The following CAPN13 variants were observed in gnomAD, a reference collection of about 807,000 sequenced individuals.
CAPN13 encodes the protein calpain 13.
In CAPN13, 90 loss-of-function variants were observed where a neutral mutation model predicts 98.4. The observed-to-expected ratio is 0.92, with a 90% CI of 0.77 to 1.09. The LOEUF (loss-of-function observed/expected upper bound fraction) is 1.09, where lower values mean the gene tolerates loss of function less well. Among genes scored for constraint, CAPN13 ranks in the 50% least tolerant of loss-of-function variants. The pLI is 0.00. For synonymous variants in CAPN13, 330 were observed against 305.5 expected, an observed-to-expected ratio of 1.08 and a Z score of -0.84; for missense variants, 887 against 841.3, an observed-to-expected ratio of 1.05 and a Z score of -0.67.
intron 20 of CAPN13, 120 bp from the exon 21 acceptor site, chr2:30,731,519 G>A (rs1671094628): frequency 5.2e-6 from 4 of 775,108 alleles, no homozygotes; most frequent in Non-Finnish European, 8.0e-6. Flanking sequence ...AGCCCCTCCT[G>A]CTCCGCGGGG....
Position 30,736,584 on chromosome 2 carries a change from T to C in CAPN13, c.1654-13A>G. 6.2e-7 allele frequency: 1 copy of C among 1,613,656 alleles called. No homozygotes were observed. Among genetic ancestry groups the C allele is most frequent in the Non-Finnish European group, 8.5e-7 (1 of 1,179,790 alleles). On this transcript the variant is annotated splice_polypyrimidine_tract_variant and intron_variant, in intron 17 of 22. Coordinates refer to ENST00000295055, the MANE Select transcript of CAPN13 (RefSeq NM_144575.3). ...CATTCACTTTCAGCTGGGTAAGGAGTTAAGAGTGAACCAGCCAGCGTGCAA... is the reference window on the plus strand; with the variant it reads ...CATTCACTTTCAGCTGGGTAAGGAGCTAAGAGTGAACCAGCCAGCGTGCAA...
intron 22 of CAPN13, among the ~76,000 whole-genome samples, chr2:30,726,504 T>C (rs1670863589): frequency 6.6e-6 from 1 of 152,144 alleles, no homozygotes; most frequent in African/African-American, 2.4e-5. Flanking sequence ...TTTAAAAATA[T>C]TGGAACTAAT....
chr2:30,739,379 C>G (rs1327664748), intron 15 of CAPN13, among the ~76,000 whole-genome samples: 2 of 152,028 alleles, frequency 1.3e-5, no homozygotes, highest in Non-Finnish European at 2.9e-5. Flanking sequence ...GAGCACCTTC[C>G]ATCTCCCAGG....
rs145281928 is a variant in CAPN13, at chr2:30,764,175, G to C, written c.656C>G (p.Ala219Gly). 7,129 of 1,598,422 alleles carry C rather than the reference G, an allele frequency of 4.5e-3. 23 individuals are homozygous for C. Among genetic ancestry groups the C allele is most frequent in the Middle Eastern group, 8.8e-3 (53 of 6,042 alleles). Residue 219 changes from alanine (A) to glycine (G), a missense_variant, in exon 6 of 23, where the codon GCG (alanine) becomes GGG (glycine). Coordinates refer to ENST00000295055, the MANE Select transcript of CAPN13 (RefSeq NM_144575.3). ...GGTTATCAGGGAGCCTGCCTTGGTCGCTGTCTTCACTGCCTTCACCAGGTC... is the reference window on the plus strand; with the variant it reads ...GGTTATCAGGGAGCCTGCCTTGGTCCCTGTCTTCACTGCCTTCACCAGGTC... ...PVDLVKAVKT[A>G]TKAGSLITCA...
intron 22 of CAPN13, among the ~76,000 whole-genome samples, chr2:30,726,308 G>A (rs938674589): frequency 1.3e-5 from 2 of 152,154 alleles, no homozygotes; most frequent in Admixed American, 1.3e-4. Flanking sequence ...AGGATTGGGT[G>A]TTTTCCCCCA....
intron 5 of CAPN13, among the ~76,000 whole-genome samples, chr2:30,769,544 C>T (rs543301751): frequency 3.0e-4 from 46 of 152,302 alleles, no homozygotes; most frequent in Non-Finnish European, 1.6e-4. Context: ...ATCCACAGTC[C>T]TGCACACAAC....
chr2:30,732,739 A>T (rs1201079622), intron 19 of CAPN13, among the ~76,000 whole-genome samples, 173 bp from the exon 20 acceptor site: 1 of 152,112 alleles, frequency 6.6e-6, no homozygotes, highest in Non-Finnish European at 1.5e-5. Flanking sequence ...GGCCCCAGGA[A>T]CCTAGTTCTG....
intron 14 of CAPN13, 145 bp downstream of exon 14, chr2:30,742,181 G>T (rs566094484): frequency 9.3e-7 from 1 of 1,079,140 alleles, no homozygotes; most frequent in East Asian, 2.6e-5. Flanking sequence ...CCCCTACCCC[G>T]CCCCTTTGAG....
rs1331711898 is a variant in CAPN13 at position 30,764,322 on chromosome 2, G to A, written c.525-16C>T. The A allele has an allele frequency of 3.7e-6, 6 of 1,611,998 alleles. No individual in the cohort carries two copies. Among genetic ancestry groups the A allele is most frequent in the Non-Finnish European group, 5.1e-6 (6 of 1,179,090 alleles). ...TCCGAGCAGCCTGGGAGGGAATGGG[G>A]GATGAACCATCGTGGTGCCTTTGGT... On this transcript the variant is annotated splice_polypyrimidine_tract_variant and intron_variant, in intron 5 of 22. Coordinates refer to ENST00000295055, the MANE Select transcript of CAPN13 (RefSeq NM_144575.3).
chr2:30,749,607 C>T (rs1027249748), intron 11 of CAPN13, among the ~76,000 whole-genome samples: 4 of 152,208 alleles, frequency 2.6e-5, no homozygotes, highest in Admixed American at 2.0e-4. Flanking sequence ...TCTGATATCC[C>T]TGGTGCTCAG....
chr2:30,747,131 T>C (rs1032258326), intron 11 of CAPN13, among the ~76,000 whole-genome samples: 4 of 152,234 alleles, frequency 2.6e-5, no homozygotes, highest in Non-Finnish European at 5.9e-5. Context: ...TGTTCCAGTC[T>C]TTTCACGTAG....
At chr2:30,783,579 A>C (rs1674102876) in intron 2 of CAPN13, among the ~76,000 whole-genome samples, 2 of 152,156 alleles carry the variant, frequency 1.3e-5, no homozygotes, top group Admixed American at 1.3e-4. Flanking sequence ...ATATGACACA[A>C]AACTTTTCTG....
intron 1 of CAPN13, among the ~76,000 whole-genome samples, chr2:30,800,142 AAG>A (rs1273746986): frequency 6.7e-6 from 1 of 148,282 alleles, no homozygotes; most frequent in African/African-American, 2.5e-5. Flanking sequence ...GAAAGAAAGA[AAG>A]AAAGAAAGAA....
Position 30,754,361 on chromosome 2 carries a change from A to C in CAPN13, c.870T>G (p.Ser290=). ...GATCACAGGTTTCCTCCCACTCCTG[A>C]GACCTGAGCATGGACACACAAACCA... The part of the protein sequence containing the change: ...AEWRGRWSDG[S]QEWEETCDPR... Residue 290 remains serine, a synonymous_variant, in exon 9 of 23, where the codon TCT becomes TCG. Transcript: ENST00000295055. 6.2e-7 allele frequency: 1 copy of C among 1,603,420 alleles called. No individual in the cohort carries two copies. Among genetic ancestry groups the C allele is most frequent in the Non-Finnish European group, 8.5e-7 (1 of 1,176,162 alleles).
intron 5 of CAPN13, among the ~76,000 whole-genome samples, chr2:30,766,970 C>T (rs1412936120): frequency 6.6e-6 from 1 of 152,188 alleles, no homozygotes; most frequent in Non-Finnish European, 1.5e-5. Context: ...TCCATCTGGA[C>T]AGATGGGCTC....
chr2:30,743,215 T>G lies in CAPN13; in HGVS notation c.1445+168A>C, dbSNP rs954598836. 2.8e-5 allele frequency: 19 copies of G among 668,490 alleles called. No individual in the cohort carries two copies. In the Admixed American group the frequency reaches 4.5e-4, roughly 16 times the overall value. 41.4% of individuals were successfully genotyped at this position (668,490 alleles called of 1,614,324 possible). On this transcript the variant is annotated intron_variant, in intron 13 of 22. Transcript: ENST00000295055. Reference sequence around the variant, plus strand: ...GTGGTCTGGTTCTTGGTTCATAGACTTTCTCGCTCCCCCTTTATGGTGAGC... The same window carrying G: ...GTGGTCTGGTTCTTGGTTCATAGACGTTCTCGCTCCCCCTTTATGGTGAGC...
At chr2:30,805,976 C>T (rs1163192278) in intron 1 of CAPN13, among the ~76,000 whole-genome samples, 1 of 152,020 alleles carries the variant, frequency 6.6e-6, no homozygotes, top group Non-Finnish European at 1.5e-5. Flanking sequence ...GACAGGGTTT[C>T]ACCATGTTGC....
chr2:30,779,489 T>C (rs1033980773), intron 2 of CAPN13, among the ~76,000 whole-genome samples: 1 of 152,242 alleles, frequency 6.6e-6, no homozygotes, highest in African/African-American at 2.4e-5. Context: ...CCAACAGCCT[T>C]GTAAAGCTGG....
rs1410982932 is a variant in CAPN13 at position 30,743,454 on chromosome 2, C to T, written c.1374G>A (p.Val458=). ...CTGATTTTCTCCGTGTCTGTGCAAC[C>T]ACAACATAGTTCCCAGGGCTCAGAT... The part of the protein sequence containing the change: ...TYHLSPGNYV[V]VAQTRRKSAE... Residue 458 remains valine, a synonymous_variant, in exon 13 of 23, where the codon GTG becomes GTA. Transcript: ENST00000295055. The T allele has an allele frequency of 4.3e-6, 7 of 1,613,854 alleles. No homozygotes were observed. Among genetic ancestry groups the T allele is most frequent in the Non-Finnish European group, 5.9e-6 (7 of 1,179,896 alleles).
Sources: gnomAD v4.1 joint callset for allele counts (sites outside exome capture counted in the v4.1 genomes callset) on GRCh38, gnomAD v4.1.1 for gene constraint, MANE v1.5 for transcripts, NCBI Gene and HGNC (gene_info 2026-07-23, HGNC 2026-07-21) for gene names.